Variants in STX2 observed in about 807,000 individuals in gnomAD.
STX2 encodes the protein syntaxin 2.
A neutral mutation model predicts 40.6 loss-of-function variants in STX2; 27 were observed. That is an observed-to-expected ratio of 0.66 (90% CI 0.49 to 0.92). The LOEUF (loss-of-function observed/expected upper bound fraction) is 0.92. Ranked by LOEUF, STX2 falls within the 40% of genes least tolerant of loss-of-function variation. STX2 has a pLI of 0.00. For missense variants in STX2, 328 were observed against 366.1 expected, an observed-to-expected ratio of 0.90 and a Z score of 0.85; for synonymous variants, 123 against 119.1, an observed-to-expected ratio of 1.03 and a Z score of -0.22.
At chr12:130,834,039 G>C (rs1335176313) in intron 1 of STX2, among the ~76,000 whole-genome samples, 4 of 152,190 alleles carry the variant, frequency 2.6e-5, no homozygotes, top group African/African-American at 9.6e-5. Context: ...GTGGGAACAT[G>C]CGAGGAAAGG....
At chr12:130,827,328 C>T (rs973640980) in intron 1 of STX2, 61 bp from the exon 2 acceptor site, 2 of 1,356,016 alleles carry the variant, frequency 1.5e-6, no homozygotes, top group African/African-American at 1.4e-5. Context: ...AAATAGCGAA[C>T]TGAAATACAA....
At chr12:130,799,456 A>G (rs751173328) in intron 8 of STX2, among the ~76,000 whole-genome samples, 18 of 152,192 alleles carry the variant, frequency 1.2e-4, no homozygotes, top group Non-Finnish European at 2.5e-4. Context: ...GTAATTACAG[A>G]AATCATCTCT....
chr12:130,790,748 TC>T lies in STX2; in HGVS notation c.*1274del, dbSNP rs1439139126. On this transcript the variant is annotated 3_prime_UTR_variant, in exon 11 of 11. Transcript: ENST00000392373. ...TTCATCACCGTCTTAAATTCAGACT[TC>T]ATTCATGTAAACTGGGAAACTCGAA... 1 of 152,426 alleles carries T rather than the reference TC, an allele frequency of 6.6e-6. No individual in the cohort carries two copies. Among genetic ancestry groups the T allele is most frequent in the Admixed American group, 6.5e-5 (1 of 15,284 alleles). 9.4% of individuals were successfully genotyped at this position (152,426 alleles called of 1,614,324 possible).
chr12:130,818,791 G>A (rs1042303916), intron 3 of STX2, among the ~76,000 whole-genome samples: 1 of 152,170 alleles, frequency 6.6e-6, no homozygotes, highest in African/African-American at 2.4e-5. Flanking sequence ...GACCGCACCC[G>A]AACACAGGGT....
chr12:130,802,844 GAAGT>G (rs772448577), intron 6 of STX2, among the ~76,000 whole-genome samples: 3 of 152,204 alleles, frequency 2.0e-5, no homozygotes, highest in Non-Finnish European at 2.9e-5. Flanking sequence ...TTACAGGAAA[GAAGT>G]CAGTCACAGA....
intron 3 of STX2, among the ~76,000 whole-genome samples, chr12:130,816,114 G>A (rs1412668497): frequency 6.6e-6 from 1 of 152,150 alleles, no homozygotes; most frequent in African/African-American, 2.4e-5. Flanking sequence ...GGGAATGAGG[G>A]CTGAGTGTAG....
chr12:130,801,703 T>C (rs188218338), intron 6 of STX2, among the ~76,000 whole-genome samples: 1 of 152,318 alleles, frequency 6.6e-6, no homozygotes, highest in Non-Finnish European at 1.5e-5. Context: ...GTAAATGTTA[T>C]AAACAATAAA....
chr12:130,807,005 C>G lies in STX2; in HGVS notation c.440G>C (p.Arg147Pro). 6.2e-7 allele frequency: 1 copy of G among 1,614,176 alleles called. No individual in the cohort carries two copies. Among genetic ancestry groups the G allele is most frequent in the Non-Finnish European group, 8.5e-7 (1 of 1,179,998 alleles). The change falls in exon 6 of 11, where the codon CGC (arginine) becomes CCC (proline). Residue 147 changes from arginine to proline, a missense_variant. Transcript: ENST00000392373. ...QTLFRERSKG[R>P]IQRQLEITGR... ...ACTTATCTCCAGCTGGCGCTGGATGCGGCCTTTGCTCCGCTCCCGAAACAG... is the reference window on the plus strand; with the variant it reads ...ACTTATCTCCAGCTGGCGCTGGATGGGGCCTTTGCTCCGCTCCCGAAACAG...
At chr12:130,814,148 T>C (rs994092561) in intron 3 of STX2, among the ~76,000 whole-genome samples, 7 of 151,956 alleles carry the variant, frequency 4.6e-5, no homozygotes, top group Non-Finnish European at 1.0e-4. Context: ...AGAGACTGAG[T>C]GATCTCCAGA....
At chr12:130,812,894 G>GA in intron 4 of STX2, 63 bp downstream of exon 4, 3 of 1,180,876 alleles carry the variant, frequency 2.5e-6, no homozygotes, top group South Asian at 2.8e-5. Context: ...AACCAATAAA[G>GA]AAAAAAATAA....
intron 3 of STX2, among the ~76,000 whole-genome samples, chr12:130,818,758 G>C (rs969864089): frequency 1.3e-5 from 2 of 152,208 alleles, no homozygotes; most frequent in African/African-American, 2.4e-5. Context: ...AGAGAAAACG[G>C]GAGCGTGCGC....
intron 8 of STX2, among the ~76,000 whole-genome samples, chr12:130,799,212 C>T (rs550739763): frequency 1.3e-5 from 2 of 152,288 alleles, no homozygotes; most frequent in South Asian, 4.1e-4. Context: ...AATCGTAAAG[C>T]ATTGAAGAAT....
At position 130,791,895 on chromosome 12, in the gene STX2, G is replaced by A. The variant is rs1950886918; in HGVS notation, c.*128C>T. The A allele has an allele frequency of 3.1e-6, 5 of 1,610,332 alleles. No homozygotes were observed. In the Admixed American group the frequency reaches 6.7e-5, roughly 22 times the overall value. The stretch of plus-strand genomic sequence containing the variant: ...CAAGGATAAATGGCTCTTGGGATAT[G>A]GTTGCTAGGACAATGTTGTTGCTAG... On this transcript the variant is annotated 3_prime_UTR_variant, in exon 11 of 11. Coordinates refer to ENST00000392373, the MANE Select transcript of STX2 (RefSeq NM_194356.4).
chr12:130,823,706 G>A (rs980551913), intron 2 of STX2, among the ~76,000 whole-genome samples: 2 of 152,226 alleles, frequency 1.3e-5, no homozygotes, highest in Non-Finnish European at 2.9e-5. Context: ...AGGAGGAGGT[G>A]ATAAACGTGT....
intron 1 of STX2, among the ~76,000 whole-genome samples, chr12:130,833,843 A>G (rs1316620023): frequency 6.6e-6 from 1 of 152,232 alleles, no homozygotes; most frequent in Non-Finnish European, 1.5e-5. Flanking sequence ...TTTCAAATGG[A>G]AACAGACTGA....
At chr12:130,818,179 A>ATAT (rs1951937454) in intron 3 of STX2, among the ~76,000 whole-genome samples, 10 of 19,418 alleles carry the variant, frequency 5.1e-4, no homozygotes, top group African/African-American at 1.5e-3. Flanking sequence ...ACAAAAAAAA[A>ATAT]AAAAAAATAT....
chr12:130,806,948 T>C (rs756714549), intron 6 of STX2, 34 bp downstream of exon 6: 1 of 1,581,546 alleles, frequency 6.3e-7, no homozygotes, highest in South Asian at 1.1e-5. Context: ...GAGAAAAACA[T>C]GATTTTAACA....
chr12:130,827,271 C>T lies in STX2; in HGVS notation c.31-4G>A. On this transcript the variant is annotated splice_region_variant and splice_polypyrimidine_tract_variant and intron_variant, in intron 1 of 10. Transcript: ENST00000392373. ...CTCCATCATCATTCTTCCTACACTA[C>T]AATGAAAAATGGAAAATTCAGTTTT... 1 of 1,611,852 alleles carries T rather than the reference C, an allele frequency of 6.2e-7. No homozygotes were observed. The highest frequency in any genetic ancestry group is 1.1e-5 in the South Asian group (1 of 90,920).
intron 10 of STX2, among the ~76,000 whole-genome samples, chr12:130,794,691 A>T (rs1313674844): frequency 6.6e-6 from 1 of 151,958 alleles, no homozygotes; most frequent in Non-Finnish European, 1.5e-5. Context: ...TTTTCTGTAG[A>T]GACAGGGTGT....
Sources: gnomAD v4.1 joint callset for allele counts (sites outside exome capture counted in the v4.1 genomes callset) on GRCh38, gnomAD v4.1.1 for gene constraint, MANE v1.5 for transcripts, NCBI Gene and HGNC (gene_info 2026-07-23, HGNC 2026-07-21) for gene names.